The following DLG2 variants were observed in gnomAD, a reference collection of about 807,000 sequenced individuals.
DLG2 encodes disks large homolog 2.
Under a neutral mutation model 132.5 loss-of-function variants are expected in DLG2, and 45 were observed. The observed-to-expected ratio is 0.34, with a 90% confidence interval of 0.27 to 0.44. DLG2 has a LOEUF of 0.44. DLG2 is among the 20% of genes least tolerant of loss of function. The probability of loss-of-function intolerance (pLI) is 1.00; values close to 1 mark genes in which losing one functional copy is unlikely to be tolerated. For synonymous variants in DLG2, 424 were observed against 419.6 expected, an observed-to-expected ratio of 1.01 and a Z score of -0.13; for missense variants, 1,045 against 1,196.9, an observed-to-expected ratio of 0.87 and a Z score of 1.87.
At chr11:84,363,351 G>T (rs1183755574) in intron 7 of DLG2, among the ~76,000 whole-genome samples, 3 of 151,530 alleles carry the variant, frequency 2.0e-5, no homozygotes, top group Admixed American at 1.3e-4. Context: ...ACTTTTTGAT[G>T]GGGTTGTTGG....
At chr11:84,897,791 C>T (rs2090396269) in intron 6 of DLG2, among the ~76,000 whole-genome samples, 1 of 151,844 alleles carries the variant, frequency 6.6e-6, no homozygotes, top group Non-Finnish European at 1.5e-5. Context: ...GATTTTATAA[C>T]TTCTTTAGAG....
At chr11:83,925,840 T>A (rs1253388295) in intron 15 of DLG2, among the ~76,000 whole-genome samples, 1 of 152,062 alleles carries the variant, frequency 6.6e-6, no homozygotes, top group African/African-American at 2.4e-5. Context: ...CCTAGAAATA[T>A]CAAAAGCTGA....
intron 15 of DLG2, among the ~76,000 whole-genome samples, chr11:83,901,723 TAA>T (rs1317807307): frequency 5.9e-5 from 9 of 152,248 alleles, no homozygotes; most frequent in African/African-American, 1.7e-4. Flanking sequence ...CTGACGGTAC[TAA>T]TACAGTTTCC....
intron 6 of DLG2, among the ~76,000 whole-genome samples, chr11:84,948,931 A>G (rs1421304963): frequency 6.6e-6 from 1 of 152,230 alleles, no homozygotes; most frequent in Non-Finnish European, 1.5e-5. Flanking sequence ...CCTGCCATGC[A>G]GTACATATTT....
intron 6 of DLG2, among the ~76,000 whole-genome samples, chr11:84,909,610 T>C (rs976983545): frequency 6.6e-6 from 1 of 152,188 alleles, no homozygotes; most frequent in Admixed American, 6.5e-5. Context: ...GGCCCAATTA[T>C]GTACTACTGC....
At chr11:83,731,035 G>A (rs12291851) in intron 18 of DLG2, among the ~76,000 whole-genome samples, 2 of 151,976 alleles carry the variant, frequency 1.3e-5, no homozygotes, top group Non-Finnish European at 2.9e-5. Context: ...AGTTTATTCT[G>A]TTGAGTTAGT....
chr11:83,567,861 A>G (rs987016409), intron 19 of DLG2, among the ~76,000 whole-genome samples: 1 of 152,176 alleles, frequency 6.6e-6, no homozygotes, highest in Non-Finnish European at 1.5e-5. Context: ...GATCATACAA[A>G]GCAATAGATT....
intron 8 of DLG2, among the ~76,000 whole-genome samples, chr11:84,243,017 C>CTCTCTA (rs542476924): frequency 0.013 from 1,777 of 142,108 alleles, 10 homozygotes; most frequent in Non-Finnish European, 0.014. Flanking sequence ...CTCTCTCTCT[C>CTCTCTA]TATATATATA....
At chr11:84,905,939 T>G (rs2091454339) in intron 6 of DLG2, among the ~76,000 whole-genome samples, 1 of 152,188 alleles carries the variant, frequency 6.6e-6, no homozygotes, top group Non-Finnish European at 1.5e-5. Context: ...ACTTCCAGAT[T>G]GTCTAAAGTA....
intron 9 of DLG2, among the ~76,000 whole-genome samples, chr11:84,105,640 A>G (rs183996684): frequency 6.6e-6 from 1 of 152,310 alleles, no homozygotes; most frequent in Admixed American, 6.5e-5. Flanking sequence ...CTTAGCTAGA[A>G]GTACTAAATT....
rs184336481 is a variant in DLG2 at position 85,069,356 on chromosome 11, T to G, written c.357+42305A>C. ...ACAGCAAAAGAAACTACCATCAGAGTGAACAGGCAACCTACAGAATGGGAG... is the reference window on the plus strand; with the variant it reads ...ACAGCAAAAGAAACTACCATCAGAGGGAACAGGCAACCTACAGAATGGGAG... On this transcript the variant is annotated intron_variant, in intron 6 of 27. Transcript: ENST00000376104. Among the ~76,000 whole-genome samples the G allele has an allele frequency of 1.2e-3, 180 of 151,908 alleles. 1 individual carries two copies. The highest frequency in any genetic ancestry group is 4.2e-3 in the African/African-American group (174 of 41,430).
chr11:83,862,961 T>G (rs1333035854), intron 16 of DLG2, among the ~76,000 whole-genome samples: 1 of 152,122 alleles, frequency 6.6e-6, no homozygotes, highest in Non-Finnish European at 1.5e-5. Flanking sequence ...GAAGGACTTT[T>G]GCACTCAGTC....
intron 11 of DLG2, among the ~76,000 whole-genome samples, chr11:84,028,733 C>T (rs2095609477): frequency 6.6e-6 from 1 of 151,956 alleles, no homozygotes; most frequent in African/African-American, 2.4e-5. Context: ...ACTTCTTGTC[C>T]CTGGAAAATC....
chr11:84,292,936 A>C (rs942280159), intron 7 of DLG2, among the ~76,000 whole-genome samples: 3 of 152,178 alleles, frequency 2.0e-5, no homozygotes, highest in African/African-American at 4.8e-5. Context: ...AATTGCAAAA[A>C]ATCTCATAAT....
intron 6 of DLG2, among the ~76,000 whole-genome samples, chr11:84,703,833 ATAATGC>A (rs1431563354): frequency 2.9e-5 from 4 of 138,754 alleles, no homozygotes; most frequent in South Asian, 4.6e-4. Flanking sequence ...AGCTTAGAAA[ATAATGC>A]TAAAACTATG....
At chr11:84,454,978 A>T (rs2099061535) in intron 7 of DLG2, among the ~76,000 whole-genome samples, 1 of 151,426 alleles carries the variant, frequency 6.6e-6, no homozygotes, top group South Asian at 2.1e-4. Flanking sequence ...GTGCAATTTT[A>T]TGCCAATTAT....
At chr11:84,033,859 A>G (rs1056817580) in intron 11 of DLG2, among the ~76,000 whole-genome samples, 2 of 151,908 alleles carry the variant, frequency 1.3e-5, no homozygotes, top group African/African-American at 4.8e-5. Context: ...ACCAACATGG[A>G]GAAACTCCGT....
intron 4 of DLG2, among the ~76,000 whole-genome samples, chr11:85,232,076 A>C (rs1363240532): frequency 1.3e-5 from 2 of 151,850 alleles, no homozygotes. Flanking sequence ...GTAAGAGCCA[A>C]TATTTCTTTC....
intron 6 of DLG2, among the ~76,000 whole-genome samples, chr11:84,671,276 T>A (rs935318472): frequency 5.3e-5 from 8 of 151,868 alleles, no homozygotes; most frequent in African/African-American, 1.9e-4. Context: ...TTTTTTTAAA[T>A]TTTTTTTGTA....
Sources: allele counts gnomAD v4.1 joint callset (sites outside exome capture counted in the v4.1 genomes callset), GRCh38; gene constraint gnomAD v4.1.1; transcripts MANE v1.5; gene names NCBI Gene and HGNC (gene_info 2026-07-23, HGNC 2026-07-21).